The following EVI5 variants were observed in gnomAD, a reference collection of about 807,000 sequenced individuals.
EVI5 encodes ecotropic viral integration site 5.
In EVI5, 73 loss-of-function variants were observed where a neutral mutation model predicts 112.0. That is an observed-to-expected ratio of 0.65 (90% CI 0.54 to 0.79). The LOEUF (loss-of-function observed/expected upper bound fraction) is 0.79. Among genes scored for constraint, EVI5 ranks in the 30% least tolerant of loss-of-function variants. The probability of loss-of-function intolerance (pLI) is 0.00; values close to 1 mark genes in which losing one functional copy is unlikely to be tolerated. For synonymous variants in EVI5, 305 were observed against 319.9 expected, an observed-to-expected ratio of 0.95 and a Z score of 0.50; for missense variants, 900 against 968.8, an observed-to-expected ratio of 0.93 and a Z score of 0.94.
chr1:92,511,832 C>T lies in EVI5; in HGVS notation c.*1824G>A, dbSNP rs1299407385. On this transcript the variant is annotated 3_prime_UTR_variant, in exon 20 of 20. Transcript: ENST00000684568. ...AGCTACAAAAACCTTGCTGGAAAGC[C>T]TAGTCCACAACGTACCTGAAGGCTT... 6.6e-6 allele frequency: 1 copy of T among 152,150 alleles called. No homozygotes were observed. Among genetic ancestry groups the T allele is most frequent in the Admixed American group, 6.5e-5 (1 of 15,276 alleles). 9.4% of individuals were successfully genotyped at this position (152,150 alleles called of 1,614,324 possible).
At chr1:92,737,404 G>A (rs923361087) in intron 1 of EVI5, among the ~76,000 whole-genome samples, 2 of 152,114 alleles carry the variant, frequency 1.3e-5, no homozygotes, top group African/African-American at 4.8e-5. Context: ...TTAAGTTTCT[G>A]TTTTAGGTGG....
At chr1:92,707,586 G>A (rs996069862) in intron 2 of EVI5, among the ~76,000 whole-genome samples, 1 of 152,196 alleles carries the variant, frequency 6.6e-6, no homozygotes, top group South Asian at 2.1e-4. Flanking sequence ...CAATGGAAAT[G>A]CAAGTTAAAA....
At chr1:92,654,624 T>C (rs894339713) in intron 13 of EVI5, among the ~76,000 whole-genome samples, 1 of 152,150 alleles carries the variant, frequency 6.6e-6, no homozygotes, top group African/African-American at 2.4e-5. Flanking sequence ...ATAAAGACAG[T>C]GTTATGACAT....
rs539155285 is a variant in EVI5 at position 92,785,084 on chromosome 1, C to T, written c.-330G>A. Reference sequence around the variant, plus strand: ...CTGGCCAGCTGGTTCCTCCGGGGTCCGGCCCGGCCGCGTCAGGAGAGCCCA... The same window carrying T: ...CTGGCCAGCTGGTTCCTCCGGGGTCTGGCCCGGCCGCGTCAGGAGAGCCCA... On this transcript the variant is annotated 5_prime_UTR_variant, in exon 1 of 20. Transcript: ENST00000684568. The T allele has an allele frequency of 6.1e-6, 6 of 985,528 alleles. No individual in the cohort carries two copies. The East Asian group carries it at 3.4e-4, about 56-fold the overall frequency. The allele number at this position is 985,528 out of a possible 1,614,324, so 61.0% of individuals were successfully genotyped here.
intron 13 of EVI5, among the ~76,000 whole-genome samples, chr1:92,656,550 T>G (rs1187324002): frequency 4.6e-5 from 7 of 150,820 alleles, no homozygotes; most frequent in Admixed American, 1.3e-4. Context: ...CAGAACTAAA[T>G]GAAACTGAGA....
chr1:92,777,334 C>A (rs1684280842), intron 1 of EVI5, among the ~76,000 whole-genome samples: 1 of 152,288 alleles, frequency 6.6e-6, no homozygotes, highest in South Asian at 2.1e-4. Context: ...TTTCCAGACC[C>A]CTTGCAGAGA....
chr1:92,702,670 G>C (rs1031866091), intron 4 of EVI5, among the ~76,000 whole-genome samples: 1 of 150,994 alleles, frequency 6.6e-6, no homozygotes, highest in Non-Finnish European at 1.5e-5. Context: ...GCTGGGCGTA[G>C]TGGCGGGCGC....
chr1:92,555,452 G>C (rs868386127), intron 19 of EVI5, among the ~76,000 whole-genome samples: 3 of 152,164 alleles, frequency 2.0e-5, no homozygotes, highest in African/African-American at 4.8e-5. Context: ...AAGTTTTACA[G>C]TAAGAATGTT....
At chr1:92,693,748 C>G (rs1014821696) in intron 9 of EVI5, 54 bp downstream of exon 9, 150 of 928,572 alleles carry the variant, frequency 1.6e-4, no homozygotes, top group Non-Finnish European at 2.5e-4. Flanking sequence ...AACTGTATCA[C>G]TAGAATGTTT....
chr1:92,611,698 C>CAAA (rs35037095), intron 16 of EVI5, among the ~76,000 whole-genome samples: 10 of 88,568 alleles, frequency 1.1e-4, no homozygotes, highest in African/African-American at 2.3e-4. Flanking sequence ...GACTCCGTCA[C>CAAA]AAAAAAAAAA....
intron 1 of EVI5, among the ~76,000 whole-genome samples, chr1:92,740,965 G>A (rs1467514224): frequency 2.6e-5 from 4 of 151,990 alleles, no homozygotes; most frequent in South Asian, 2.1e-4. Flanking sequence ...TAAACTCTAC[G>A]TAGATTCCAT....
chr1:92,787,197 CTT>C (rs1287175126), upstream of EVI5, among the ~76,000 whole-genome samples: 1 of 152,122 alleles, frequency 6.6e-6, no homozygotes, highest in African/African-American at 2.4e-5. Context: ...GATGCTAAAA[CTT>C]AAACTAAATT....
At chr1:92,606,312 G>A (rs1650367722) in intron 17 of EVI5, among the ~76,000 whole-genome samples, 1 of 152,020 alleles carries the variant, frequency 6.6e-6, no homozygotes, top group African/African-American at 2.4e-5. Flanking sequence ...GGCATTTGAG[G>A]AGCAATATTT....
chr1:92,586,606 CTGTGTGTGTGTG>C (rs61310991), intron 18 of EVI5, among the ~76,000 whole-genome samples: 16 of 72,780 alleles, frequency 2.2e-4, no homozygotes, highest in East Asian at 5.0e-4. Flanking sequence ...TTTTTTTTGG[CTGTGTGTGTGTG>C]TGTGTGTGTG....
intron 1 of EVI5, among the ~76,000 whole-genome samples, chr1:92,791,950 T>G (rs1405606407): frequency 6.6e-6 from 1 of 152,240 alleles, no homozygotes; most frequent in African/African-American, 2.4e-5. Context: ...AGTCATTTTC[T>G]TCTTCTCCAT....
chr1:92,705,836 G>A (rs1671872139), intron 2 of EVI5, among the ~76,000 whole-genome samples: 1 of 152,066 alleles, frequency 6.6e-6, no homozygotes, highest in South Asian at 2.1e-4. Flanking sequence ...TACAAAAGCT[G>A]AGAAAGAAAA....
chr1:92,513,164 A>AT lies in EVI5; in HGVS notation c.*491dup, dbSNP rs1481511124. 2.2e-5 allele frequency: 2 copies of AT among 91,202 alleles called. No homozygotes were observed. Among genetic ancestry groups the AT allele is most frequent in the Middle Eastern group, 5.4e-3 (1 of 186 alleles). 5.6% of individuals were successfully genotyped at this position (91,202 alleles called of 1,614,324 possible). The stretch of plus-strand genomic sequence containing the variant: ...CTCTGTCTTAAAAAAAAAAACAACA[A>AT]TAAAAAAAAAAACACAAGGTAAATC... On this transcript the variant is annotated 3_prime_UTR_variant, in exon 20 of 20. Coordinates refer to ENST00000684568, the MANE Select transcript of EVI5 (RefSeq NM_001350197.2).
chr1:92,647,689 G>A (rs535039025), intron 13 of EVI5: 10 of 287,532 alleles, frequency 3.5e-5, no homozygotes, highest in Non-Finnish European at 6.9e-6. Context: ...CAAGAGGGAA[G>A]GTGAAGGGGG....
chr1:92,623,717 C>T (rs1457783916), intron 16 of EVI5, among the ~76,000 whole-genome samples: 1 of 152,170 alleles, frequency 6.6e-6, no homozygotes, highest in African/African-American at 2.4e-5. Flanking sequence ...GCAATGTGTG[C>T]AGAAACATTT....
Sources: gnomAD v4.1 joint callset for allele counts (sites outside exome capture counted in the v4.1 genomes callset) on GRCh38, gnomAD v4.1.1 for gene constraint, MANE v1.5 for transcripts, NCBI Gene and HGNC (gene_info 2026-07-23, HGNC 2026-07-21) for gene names.